The following RAPGEF3 variants were observed in gnomAD, a reference collection of about 807,000 sequenced individuals.
The protein encoded by RAPGEF3 is Rap guanine nucleotide exchange factor 3, also known as 9330170P05Rik.
RAPGEF3 carries 103 observed loss-of-function variants against 129.8 expected under a neutral mutation model. That is an observed-to-expected ratio of 0.79 (90% CI 0.68 to 0.93). The LOEUF (loss-of-function observed/expected upper bound fraction) is 0.93. RAPGEF3 is among the 40% of genes least tolerant of loss of function. The pLI, the probability that RAPGEF3 is intolerant of heterozygous loss-of-function variation, is 0.00. For missense variants in RAPGEF3, 1,117 were observed against 1,207.4 expected (o/e 0.93, Z 1.11); for synonymous variants, 436 against 482.6 (o/e 0.90, Z 1.26).
rs1444965529 is a variant in RAPGEF3 at position 47,749,390 on chromosome 12, C to T, written c.1041G>A (p.Lys347=). The change falls in exon 10 of 28, where the codon AAG becomes AAA. Residue 347 remains lysine (K), a splice_region_variant and synonymous_variant. Transcript: ENST00000449771. The surrounding 1 kb of genome is among the most constrained non-coding windows in gnomAD (Gnocchi z 4.5). ...CCCTCCCCAACCCCAGCAGCAGCAC[C>T]TTGATGATACGGTTGAAGTCCTGCT... ...VDKQDFNRII[K]DVEAKTMRLE... is the part of the protein sequence containing the mutation. The T allele has an allele frequency of 6.2e-7, 1 of 1,612,114 alleles. No individual in the cohort carries two copies. The highest frequency in any genetic ancestry group is 8.5e-7 in the Non-Finnish European group (1 of 1,180,010).
intron 23 of RAPGEF3, chr12:47,739,923 C>T (rs1294911266): frequency 3.3e-6 from 2 of 609,072 alleles, no homozygotes; most frequent in East Asian, 5.6e-5. Context: ...GGCCAGGATG[C>T]ACCGTGCAAC....
intron 2 of RAPGEF3, 125 bp downstream of exon 2, chr12:47,757,741 C>G (rs548586918): frequency 1.1e-6 from 1 of 900,696 alleles, no homozygotes; most frequent in Admixed American, 2.6e-5. Flanking sequence ...CCAGTGTCCA[C>G]GGCAGCTGTA....
At position 47,739,127 on chromosome 12, in the gene RAPGEF3, C is replaced by A; in HGVS notation, c.2461+16G>T. On this transcript the variant is annotated intron_variant, in intron 24 of 27. Transcript: ENST00000449771. Reference sequence around the variant, plus strand: ...GAAGGGGGGAATGGAGGGATGGAGGCAGGAAGCCCTGTTACCTTTGAGAAG... The same window carrying A: ...GAAGGGGGGAATGGAGGGATGGAGGAAGGAAGCCCTGTTACCTTTGAGAAG... The A allele has an allele frequency of 6.4e-7, 1 of 1,563,118 alleles. No homozygotes were observed. The highest frequency in any genetic ancestry group is 1.1e-5 in the South Asian group (1 of 88,392).
chr12:47,747,729 C>T lies in RAPGEF3; in HGVS notation c.1456G>A (p.Ala486Thr). The change falls in exon 14 of 28, where the codon GCC (alanine) becomes ACC (threonine). Residue 486 changes from alanine (A) to threonine (T), a missense_variant. Physicochemically the swap from Ala to Thr is moderately conservative, Grantham distance 58. Transcript: ENST00000449771. ...CCAGGTACCTGGAGGAAGCTGGTGG[C>T]CACAGGGTCAGTGTGGAGCATGGAG... ...YGSMLHTDPV[A>T]TSFLQKLSDL... The T allele has an allele frequency of 2.5e-6, 4 of 1,610,804 alleles. No homozygotes were observed. The highest frequency in any genetic ancestry group is 2.2e-5 in the South Asian group (2 of 91,084).
In RAPGEF3 at chr12:47,740,159, G is replaced by C. The variant is rs377572251; in HGVS notation, c.2355C>G (p.Ser785=). The change falls in exon 23 of 28, where the codon TCC becomes TCG. Residue 785 remains serine (S), a synonymous_variant. Transcript: ENST00000449771. ...RLPHKVRKLY[S]ALERLLDPSW... is the part of the protein sequence containing the mutation. ...CACTCACCAGCAGCCTCTCGAGGGC[G>C]GAGTACAGCTTCCGGACTTTGTGAG... 1 of 1,613,384 alleles carries C rather than the reference G, an allele frequency of 6.2e-7. No individual in the cohort carries two copies. The highest frequency in any genetic ancestry group is 2.2e-5 in the East Asian group (1 of 44,844).
Position 47,749,895 on chromosome 12 carries a change from C to G in RAPGEF3, c.817+35G>C. ...CACATCCTTCTGCCCATGTCCAGGCCCTGTGCCTGGCTTCTTATGCCCTGC... is the reference window on the plus strand; with the variant it reads ...CACATCCTTCTGCCCATGTCCAGGCGCTGTGCCTGGCTTCTTATGCCCTGC... On this transcript the variant is annotated intron_variant, in intron 8 of 27. Transcript: ENST00000449771. This position sits in a 1 kb window ranked among gnomAD's most constrained non-coding sequence, Gnocchi z 4.5. 1 of 1,613,740 alleles carries G rather than the reference C, an allele frequency of 6.2e-7. No homozygotes were observed. The highest frequency in any genetic ancestry group is 1.7e-5 in the Admixed American group (1 of 60,030).
Position 47,749,669 on chromosome 12 carries a change from C to T in RAPGEF3, c.894+72G>A, listed in dbSNP as rs893001282. 1.3e-5 allele frequency: 21 copies of T among 1,596,078 alleles called. No homozygotes were observed. Among genetic ancestry groups the T allele is most frequent in the Middle Eastern group, 1.7e-4 (1 of 6,006 alleles). The stretch of plus-strand genomic sequence containing the variant: ...CAGCAGCAGTAGATCAACAAAGGCA[C>T]TGCCCATGAGGACATGGACCAGGGA... On this transcript the variant is annotated intron_variant, in intron 9 of 27. Coordinates refer to ENST00000449771, the MANE Select transcript of RAPGEF3 (RefSeq NM_001098531.4). This position sits in a 1 kb window ranked among gnomAD's most constrained non-coding sequence, Gnocchi z 4.5.
rs1393079610 is a variant in RAPGEF3 at position 47,738,063 on chromosome 12, G to T, written c.2612C>A (p.Ser871Tyr). The change falls in exon 27 of 28, where the codon TCC becomes TAC. Residue 871 changes from serine to tyrosine, a missense_variant. By Grantham distance (144) the Ser-to-Tyr change is moderately radical. Transcript: ENST00000449771. ...CACCTGGCTGTCCTCGTGGAGGTGG[G>T]AAACTCGGCTTCTGAGTGGTGAGAG... ...VPLSPLRSRV[S>Y]HLHEDSQVAR... 6.2e-7 allele frequency: 1 copy of T among 1,614,170 alleles called. No individual in the cohort carries two copies. Among genetic ancestry groups the T allele is most frequent in the African/African-American group, 1.3e-5 (1 of 75,052 alleles).
intron 2 of RAPGEF3, chr12:47,752,961 T>A (rs1382858829): frequency 6.6e-6 from 1 of 152,194 alleles, no homozygotes; most frequent in Non-Finnish European, 1.5e-5. Context: ...ATAATGGCCA[T>A]GAAAGCCCCT....
chr12:47,748,954 T>G (rs761103408), intron 10 of RAPGEF3, 23 bp from the exon 11 acceptor site: 1 of 1,556,980 alleles, frequency 6.4e-7, no homozygotes, highest in South Asian at 1.1e-5. Context: ...CCACATCCCA[T>G]GCTCAACTCA....
chr12:47,750,778 TGTCTCTGA>T (rs1202455081), intron 6 of RAPGEF3, among the ~76,000 whole-genome samples: 1 of 152,208 alleles, frequency 6.6e-6, no homozygotes, highest in Non-Finnish European at 1.5e-5. Flanking sequence ...GCCACAACTG[TGTCTCTGA>T]GTGGGAAGGG....
rs1340374033 is a variant in RAPGEF3, at chr12:47,736,422, T to C, written c.*1145A>G. The C allele has an allele frequency of 1.3e-5, 2 of 152,234 alleles. No individual in the cohort carries two copies. The highest frequency in any genetic ancestry group is 2.9e-5 in the Non-Finnish European group (2 of 68,074). The allele number at this position is 152,234 out of a possible 1,614,324, so 9.4% of individuals were successfully genotyped here. A position where few individuals can be genotyped will look rare whatever the true frequency, so the allele number is the denominator to read the frequency against. Reference sequence around the variant, plus strand: ...CTCCTGCTGCCAGGACTCAGGGCAATAGCAAGGCAAGAGGGTGGAGTCCCT... The same window carrying C: ...CTCCTGCTGCCAGGACTCAGGGCAACAGCAAGGCAAGAGGGTGGAGTCCCT... On this transcript the variant is annotated 3_prime_UTR_variant, in exon 28 of 28. Transcript: ENST00000449771.
chr12:47,753,935 G>A (rs919520080), intron 2 of RAPGEF3: 2 of 152,228 alleles, frequency 1.3e-5, no homozygotes, highest in African/African-American at 4.8e-5. Flanking sequence ...AATGGCCCTA[G>A]TCCATGAGCA....
At chr12:47,738,885 GC>G in intron 24 of RAPGEF3, 131 bp from the exon 25 acceptor site, 1 of 851,690 alleles carries the variant, frequency 1.2e-6, no homozygotes, top group Non-Finnish European at 1.9e-6. Context: ...CCCCCTCCAA[GC>G]CCCAGCAGCA....
At position 47,758,766 on chromosome 12, in the gene RAPGEF3, T is replaced by TG. The variant is rs760161146; in HGVS notation, c.-211dup. On this transcript the variant is annotated 5_prime_UTR_variant, in exon 1 of 28. Transcript: ENST00000449771. ...GGCTCCTCTTGGGTGAGTAGAGGGGTGGGGGCGTGGTGGGGGGACGCCACC... is the reference window on the plus strand; with the variant it reads ...GGCTCCTCTTGGGTGAGTAGAGGGGTGGGGGGCGTGGTGGGGGGACGCCACC... 62 of 864,198 alleles carry TG rather than the reference T, an allele frequency of 7.2e-5. 1 individual carries two copies. In the East Asian group the frequency reaches 1.2e-3, roughly 16 times the overall value. 53.5% of individuals were successfully genotyped at this position (864,198 alleles called of 1,614,324 possible).
chr12:47,758,259 C>T, intron 1 of RAPGEF3, 181 bp from the exon 2 acceptor site: 1 of 1,433,594 alleles, frequency 7.0e-7, no homozygotes, highest in Non-Finnish European at 9.1e-7. Flanking sequence ...GCCTGCCGGT[C>T]TGGCGCACTT....
intron 2 of RAPGEF3, 125 bp downstream of exon 2, chr12:47,757,741 C>T (rs548586918): frequency 2.2e-5 from 20 of 900,698 alleles, no homozygotes; most frequent in South Asian, 1.4e-4. Context: ...CCAGTGTCCA[C>T]GGCAGCTGTA....
At position 47,757,863 on chromosome 12, in the gene RAPGEF3, C is replaced by T; in HGVS notation, c.219+3G>A. 1 of 1,552,548 alleles carries T rather than the reference C, an allele frequency of 6.4e-7. No individual in the cohort carries two copies. The highest frequency in any genetic ancestry group is 1.2e-5 in the South Asian group (1 of 84,154). On this transcript the variant is annotated splice_donor_region_variant and intron_variant, in intron 2 of 27. Transcript: ENST00000449771. The stretch of plus-strand genomic sequence containing the variant: ...GGCACCTGGGCAGGTGAAAGGTACT[C>T]ACCCAGCGCAGCCCCTGGATGCAGC...
At position 47,740,665 on chromosome 12, in the gene RAPGEF3, C is replaced by A. The variant is rs775080828; in HGVS notation, c.2208G>T (p.Arg736Ser). The change falls in exon 21 of 28, where the codon AGG becomes AGT. Residue 736 changes from arginine (R) to serine (S), a missense_variant. Transcript: ENST00000449771. ...ACTGGGCCGCCAGCTTAATGAACTT[C>A]CTGAGCAGCTGGGCCCGGGGGCCGG... ...PVPGPRAQLL[R>S]KFIKLAAHLK... 2.5e-6 allele frequency: 4 copies of A among 1,613,774 alleles called. No homozygotes were observed. Among genetic ancestry groups the A allele is most frequent in the Non-Finnish European group, 3.4e-6 (4 of 1,179,954 alleles).
Sources: gnomAD v4.1 joint callset for allele counts (sites outside exome capture counted in the v4.1 genomes callset) on GRCh38, gnomAD v4.1.1 for gene constraint, Gnocchi (gnomAD v3.1) non-coding constraint, MANE v1.5 for transcripts, NCBI Gene and HGNC (gene_info 2026-07-23, HGNC 2026-07-21) for gene names.